Variants in CIB3 observed in about 807,000 individuals in gnomAD.
CIB3 encodes the protein calcium and integrin-binding family member 3.
A neutral mutation model predicts 23.4 loss-of-function variants in CIB3; 22 were observed. The ratio of observed to expected loss-of-function variants is 0.94; its 90% CI spans 0.67 to 1.34. The LOEUF is 1.34. Among genes scored for constraint, CIB3 ranks in the 40% most tolerant of loss-of-function variants. The probability of loss-of-function intolerance (pLI) is 0.00; values close to 1 mark genes in which losing one functional copy is unlikely to be tolerated. For missense variants in CIB3, 258 were observed against 247.3 expected (o/e 1.04, Z -0.29); for synonymous variants, 93 against 95.8 (o/e 0.97, Z 0.17).
chr19:16,173,221 C>T (rs1174123144), intron 1 of CIB3, 25 bp from the exon 2 acceptor site: 2 of 1,614,024 alleles, frequency 1.2e-6, no homozygotes, highest in South Asian at 2.2e-5. Flanking sequence ...GTTGTCTTAA[C>T]CCGAACCCTG....
At chr19:16,171,477 T>C (rs1469396627) in intron 2 of CIB3, among the ~76,000 whole-genome samples, 1 of 152,068 alleles carries the variant, frequency 6.6e-6, no homozygotes, top group Non-Finnish European at 1.5e-5. Context: ...CTAGGTCATA[T>C]GATGACTAGG....
At chr19:16,167,840 T>C (rs2091312008) in intron 4 of CIB3, among the ~76,000 whole-genome samples, 1 of 151,478 alleles carries the variant, frequency 6.6e-6, no homozygotes, top group African/African-American at 2.4e-5. Flanking sequence ...CTCAAAAAAA[T>C]AAAAAATAAA....
At chr19:16,173,306 G>GAGC in intron 1 of CIB3, 110 bp from the exon 2 acceptor site, 1 of 1,578,472 alleles carries the variant, frequency 6.3e-7, no homozygotes, top group Non-Finnish European at 8.7e-7. Flanking sequence ...GCCACACACA[G>GAGC]AGCAGAACCA....
In CIB3 at chr19:16,161,431, C is replaced by T. The variant is rs372821532; in HGVS notation, c.*34G>A. ...GTCCACAGCGGGTGAGGGGTCACCC[C>T]GCCCTCCTATAGCTCGGCTCCTCTG... On this transcript the variant is annotated 3_prime_UTR_variant, in exon 6 of 6. Coordinates refer to ENST00000269878, the MANE Select transcript of CIB3 (RefSeq NM_054113.4). 2.5e-6 allele frequency: 4 copies of T among 1,612,874 alleles called. No individual in the cohort carries two copies. Among genetic ancestry groups the T allele is most frequent in the South Asian group, 2.2e-5 (2 of 91,042 alleles).
In CIB3 at chr19:16,169,665, G is replaced by T; in HGVS notation, c.163C>A (p.Pro55Thr). Residue 55 changes from proline to threonine, a missense_variant, in exon 3 of 6, where the codon CCC becomes ACC. By Grantham distance (38) the Pro-to-Thr change is conservative. Transcript: ENST00000269878. ...DYTTCPDVKV[P>T]YELIGSMPEL... The stretch of plus-strand genomic sequence containing the variant: ...GGCATGCTGCCAATGAGCTCGTAGG[G>T]CACCTTCACATCGGGGCAGGTGGTA... The T allele has an allele frequency of 6.2e-7, 1 of 1,613,752 alleles. No individual in the cohort carries two copies. The highest frequency in any genetic ancestry group is 8.5e-7 in the Non-Finnish European group (1 of 1,179,752).
chr19:16,168,018 A>G, intron 4 of CIB3, 119 bp downstream of exon 4: 1 of 1,301,966 alleles, frequency 7.7e-7, no homozygotes, highest in Non-Finnish European at 1.1e-6. Flanking sequence ...GGGGTGGAGG[A>G]CAGGGCCACA....
intron 3 of CIB3, 30 bp downstream of exon 3, chr19:16,169,600 T>C: frequency 6.3e-7 from 1 of 1,587,282 alleles, no homozygotes; most frequent in Non-Finnish European, 8.6e-7. Context: ...TACTATTTTT[T>C]ACCCTGTTTG....
chr19:16,169,503 T>C (rs745614313), intron 3 of CIB3, 127 bp downstream of exon 3: 53 of 855,404 alleles, frequency 6.2e-5, no homozygotes, highest in Non-Finnish European at 9.0e-5. Flanking sequence ...AACAAGTGTC[T>C]TAACCTCTCT....
chr19:16,164,668 A>G (rs373520377), intron 5 of CIB3, 50 bp downstream of exon 5: 16 of 1,515,544 alleles, frequency 1.1e-5, no homozygotes, highest in Non-Finnish European at 1.4e-5. Flanking sequence ...TCTGCGTAAG[A>G]GCCCCTTCAG....
intron 4 of CIB3, among the ~76,000 whole-genome samples, chr19:16,166,792 T>C (rs537067639): frequency 6.6e-6 from 1 of 152,312 alleles, no homozygotes; most frequent in Admixed American, 6.5e-5. Context: ...CAAAAAGTAT[T>C]ATGGTGGCAG....
Position 16,168,261 on chromosome 19 carries a change from A to G in CIB3, c.222T>C (p.Ile74=), listed in dbSNP as rs1336656744. ...CCCCATCCTCAGAGAATACCTGGGC[A>G]ATCCTCTGGCGGAAGGGGTTGTCCT... The part of the protein sequence containing the change: ...ELKDNPFRQR[I]AQVFSEDGDG... The change falls in exon 4 of 6, where the codon ATT becomes ATC. Residue 74 remains isoleucine (I), a synonymous_variant. Coordinates refer to ENST00000269878, the MANE Select transcript of CIB3 (RefSeq NM_054113.4). The G allele has an allele frequency of 6.2e-7, 1 of 1,613,942 alleles. No individual in the cohort carries two copies. The highest frequency in any genetic ancestry group is 2.2e-5 in the East Asian group (1 of 44,876).
chr19:16,163,833 A>T (rs1451384600), intron 5 of CIB3, among the ~76,000 whole-genome samples: 1 of 152,198 alleles, frequency 6.6e-6, no homozygotes, highest in Non-Finnish European at 1.5e-5. Context: ...GAAGCACACA[A>T]GCAGCCATAG....
chr19:16,168,155 A>T lies in CIB3; in HGVS notation c.328T>A (p.Tyr110Asn). ...EMAPRDLKAY[Y>N]AFKIYDFNND... ...CACGCACCATAAATTTTAAAAGCATAGTAAGCCTTGAGGTCGCGGGGAGCC... is the reference window on the plus strand; with the variant it reads ...CACGCACCATAAATTTTAAAAGCATTGTAAGCCTTGAGGTCGCGGGGAGCC... Residue 110 changes from tyrosine to asparagine, a missense_variant, in exon 4 of 6, where the codon TAT becomes AAT. Tyr to Asn is a moderately radical substitution (Grantham distance 143, BLOSUM62 -2). Transcript: ENST00000269878. The T allele has an allele frequency of 6.2e-7, 1 of 1,609,868 alleles. No homozygotes were observed. Among genetic ancestry groups the T allele is most frequent in the Non-Finnish European group, 8.5e-7 (1 of 1,178,132 alleles).
In CIB3 at chr19:16,164,925, G is replaced by C. The variant is rs372326680; in HGVS notation, c.347-12C>G. 18 of 1,612,506 alleles carry C rather than the reference G, an allele frequency of 1.1e-5. No individual in the cohort carries two copies. The highest frequency in any genetic ancestry group is 1.4e-5 in the Non-Finnish European group (16 of 1,178,646). ...GTCGTTGTTAAAATCTGCAGAGCAGGATGGATGGGGAGTGACAGCAGGTGG... is the reference window on the plus strand; with the variant it reads ...GTCGTTGTTAAAATCTGCAGAGCAGCATGGATGGGGAGTGACAGCAGGTGG... On this transcript the variant is annotated splice_polypyrimidine_tract_variant and intron_variant, in intron 4 of 5. Coordinates refer to ENST00000269878, the MANE Select transcript of CIB3 (RefSeq NM_054113.4).
intron 5 of CIB3, among the ~76,000 whole-genome samples, 187 bp from the exon 6 acceptor site, chr19:16,161,673 C>CTTTTTT (rs55969649): frequency 1.7e-4 from 17 of 100,022 alleles, no homozygotes; most frequent in South Asian, 3.6e-4. Context: ...TTTTTTAATT[C>CTTTTTT]TTTTTTTTTT....
At chr19:16,166,160 G>A (rs559759308) in intron 4 of CIB3, among the ~76,000 whole-genome samples, 53 of 152,108 alleles carry the variant, frequency 3.5e-4, no homozygotes, top group African/African-American at 1.0e-3. Context: ...GGCGTGGTGC[G>A]GGTGCCTGTA....
At chr19:16,166,963 C>T (rs573267035) in intron 4 of CIB3, among the ~76,000 whole-genome samples, 1 of 152,302 alleles carries the variant, frequency 6.6e-6, no homozygotes, top group African/African-American at 2.4e-5. Flanking sequence ...TGCCTGTAAT[C>T]CCAGCACTTT....
At chr19:16,168,090 T>TCCCCA in intron 4 of CIB3, 47 bp downstream of exon 4, 1 of 777,242 alleles carries the variant, frequency 1.3e-6, no homozygotes, top group South Asian at 1.4e-5. Context: ...CAGTTCCCAC[T>TCCCCA]CCCCACCCCA....
chr19:16,163,382 C>G (rs1599433750), intron 5 of CIB3, among the ~76,000 whole-genome samples: 1 of 152,068 alleles, frequency 6.6e-6, no homozygotes, highest in Non-Finnish European at 1.5e-5. Context: ...TGACAAAACC[C>G]TGTCTCTACT....
Sources: gnomAD v4.1 joint callset for allele counts (sites outside exome capture counted in the v4.1 genomes callset) on GRCh38, gnomAD v4.1.1 for gene constraint, MANE v1.5 for transcripts, NCBI Gene and HGNC (gene_info 2026-07-23, HGNC 2026-07-21) for gene names.